SLF2: variants seen among roughly 807,000 people sequenced by gnomAD.
SLF2 encodes the protein SMC5-SMC6 complex localization factor protein 2.
A neutral mutation model predicts 124.3 loss-of-function variants in SLF2; 68 were observed. That is an observed-to-expected ratio of 0.55 (90% CI 0.45 to 0.67). The LOEUF (loss-of-function observed/expected upper bound fraction) is 0.67, where lower values mean the gene tolerates loss of function less well. Among genes scored for constraint, SLF2 ranks in the 30% least tolerant of loss-of-function variants. The pLI is 0.00. For missense variants in SLF2, 1,246 were observed against 1,373.7 expected, an observed-to-expected ratio of 0.91 and a Z score of 1.47; for synonymous variants, 480 against 478.8, an observed-to-expected ratio of 1.00 and a Z score of -0.03.
At chr10:100,960,995 C>CTACTT (rs1411407192) in intron 19 of SLF2, among the ~76,000 whole-genome samples, 37 of 54,480 alleles carry the variant, frequency 6.8e-4, no homozygotes, top group Non-Finnish European at 9.5e-4. Context: ...ATATTCTGTA[C>CTACTT]TTCTTTTTTT....
rs146223221 is a variant in SLF2, at chr10:100,922,802, G to A, written c.974-1173G>A. 8.4e-3 allele frequency among the ~76,000 whole-genome samples: 1,248 copies of A among 148,448 alleles called. 16 individuals are homozygous for A. Among genetic ancestry groups the A allele is most frequent in the African/African-American group, 0.028 (1,139 of 40,192 alleles). ...TTTTTTTTTTTTTTTTTGAAACGGA[G>A]TCTTGCTCTGTTGCCCAGACTGGCG... is the stretch of plus-strand genomic sequence containing the variant. On this transcript the variant is annotated intron_variant, in intron 4 of 19. Transcript: ENST00000238961.
At chr10:100,913,525 C>A in intron 1 of SLF2, 1 of 1,252,254 alleles carries the variant, frequency 8.0e-7, no homozygotes, top group Non-Finnish European at 1.0e-6. Context: ...GATTTTTTTC[C>A]TTTGCAAGAG....
intron 3 of SLF2, 103 bp downstream of exon 3, chr10:100,917,403 C>T (rs981580437): frequency 1.2e-5 from 15 of 1,297,480 alleles, no homozygotes; most frequent in African/African-American, 6.0e-5. Flanking sequence ...TGACGTCTTT[C>T]CTGAAGGAAA....
At chr10:100,954,458 TA>T (rs1358322827) in intron 17 of SLF2, among the ~76,000 whole-genome samples, 3 of 152,216 alleles carry the variant, frequency 2.0e-5, no homozygotes, top group Non-Finnish European at 4.4e-5. Flanking sequence ...TCAAAGTTTA[TA>T]AATATTTCAA....
At chr10:100,945,621 G>A in intron 13 of SLF2, 115 bp downstream of exon 13, 1 of 810,264 alleles carries the variant, frequency 1.2e-6, no homozygotes, top group Non-Finnish European at 1.7e-6. Flanking sequence ...GATTAAAAAT[G>A]AACTGAGGAA....
intron 1 of SLF2, among the ~76,000 whole-genome samples, 178 bp from the exon 2 acceptor site, chr10:100,915,821 G>A (rs1243974483): frequency 2.0e-5 from 3 of 151,962 alleles, no homozygotes; most frequent in Non-Finnish European, 2.9e-5. Context: ...GAAGTGATAC[G>A]TTATATTTTC....
At position 100,924,239 on chromosome 10, in the gene SLF2, G is replaced by T. The variant is rs1342937028; in HGVS notation, c.1238G>T (p.Gly413Val). ...SSAGLAPSNS[G>V]NSGHHSTRNS... is the part of the protein sequence containing the mutation. ...GCAGGCTTGGCACCTTCAAATTCTG[G>T]CAATTCTGGCCACCATTCTACCAGG... The change falls in exon 5 of 20, where the codon GGC becomes GTC. Residue 413 changes from glycine (G) to valine (V), a missense_variant. Around this residue, in one of 3 missense-constraint regions of SLF2, gnomAD observed 698 missense variants for 708.9 expected, o/e 0.98. Transcript: ENST00000238961. 6.2e-7 allele frequency: 1 copy of T among 1,614,086 alleles called. No individual in the cohort carries two copies. Among genetic ancestry groups the T allele is most frequent in the Non-Finnish European group, 8.5e-7 (1 of 1,180,022 alleles).
At chr10:100,957,276 G>A (rs1428616318) in intron 18 of SLF2, among the ~76,000 whole-genome samples, 1 of 147,974 alleles carries the variant, frequency 6.8e-6, no homozygotes, top group African/African-American at 2.5e-5. Context: ...AAATAGATTA[G>A]CTGTTATTCT....
intron 14 of SLF2, among the ~76,000 whole-genome samples, 182 bp downstream of exon 14, chr10:100,947,318 G>A (rs534759779): frequency 4.6e-5 from 7 of 151,282 alleles, no homozygotes; most frequent in South Asian, 4.2e-4. Flanking sequence ...CTTAACTCAG[G>A]TCATTATGTA....
rs1240949756 is a variant in SLF2 at position 100,926,004 on chromosome 10, T to C, written c.2027T>C (p.Met676Thr). The C allele has an allele frequency of 6.2e-7, 1 of 1,613,842 alleles. No homozygotes were observed. The highest frequency in any genetic ancestry group is 8.5e-7 in the Non-Finnish European group (1 of 1,179,876). Residue 676 changes from methionine to threonine, a missense_variant, in exon 6 of 20, where the codon ATG becomes ACG. Met to Thr is a moderately conservative substitution (Grantham distance 81). Around this residue, in one of 3 missense-constraint regions of SLF2, gnomAD observed 535 missense variants for 632.8 expected, o/e 0.85. Transcript: ENST00000238961. ...ACCTTAGAACGTCTAGTGAAGGAAA[T>C]GGAAGACACACAAAGGTTTGTTAGC... is the stretch of plus-strand genomic sequence containing the variant. Reference protein sequence around the residue: ...TNTLERLVKEMEDTQRLDELQ... With the variant: ...TNTLERLVKETEDTQRLDELQ...
At chr10:100,937,363 TTTC>T (rs766504994) in intron 9 of SLF2, 36 bp from the exon 10 acceptor site, 3 of 1,501,340 alleles carry the variant, frequency 2.0e-6, no homozygotes, top group African/African-American at 1.4e-5. Context: ...TTGTGTTTTC[TTTC>T]TTCTTAATAT....
At chr10:100,934,771 C>T (rs1849812099) in intron 9 of SLF2, among the ~76,000 whole-genome samples, 1 of 151,286 alleles carries the variant, frequency 6.6e-6, no homozygotes, top group African/African-American at 2.4e-5. Context: ...CACCACCACG[C>T]CCAGCTAATT....
At chr10:100,956,088 T>C (rs72842161) in intron 17 of SLF2, among the ~76,000 whole-genome samples, 5,335 of 152,004 alleles carry the variant, frequency 0.035, 143 homozygotes, top group Middle Eastern at 0.065. Context: ...TTTTTTCTTT[T>C]TTTTTTTTTA....
intron 1 of SLF2, chr10:100,913,555 T>G (rs1849362298): frequency 8.2e-7 from 1 of 1,226,190 alleles, no homozygotes; most frequent in Admixed American, 4.1e-5. Flanking sequence ...GGACCCTAAC[T>G]GCTTAATGCA....
At chr10:100,913,460 T>G in intron 1 of SLF2, 1 of 1,315,584 alleles carries the variant, frequency 7.6e-7, no homozygotes, top group East Asian at 3.1e-5. Context: ...GCTCTTGGTC[T>G]AGTGACCACC....
chr10:100,929,786 G>C, intron 7 of SLF2, 44 bp from the exon 8 acceptor site: 2 of 1,424,758 alleles, frequency 1.4e-6, no homozygotes, highest in Non-Finnish European at 9.6e-7. Flanking sequence ...AAAACTATAT[G>C]TAGTGTAACA....
Position 100,924,946 on chromosome 10 carries a change from C to T in SLF2, c.1945C>T (p.Leu649Phe). The change falls in exon 5 of 20, where the codon CTT becomes TTT. Residue 649 changes from leucine (L) to phenylalanine (F), a missense_variant. Physicochemically the swap from Leu to Phe is conservative, Grantham distance 22 (BLOSUM62 0). Around this residue, in one of 3 missense-constraint regions of SLF2, gnomAD observed 535 missense variants for 632.8 expected, o/e 0.85. Transcript: ENST00000238961. ...AAAGCCTCCTGCTCTTTCCAAGGGG[C>T]TTAGATCTCAGTCATCAGACTATAC... ...TGKPPALSKG[L>F]RSQSSDYTGH... is the part of the protein sequence containing the mutation. 5 of 1,613,394 alleles carry T rather than the reference C, an allele frequency of 3.1e-6. No individual in the cohort carries two copies. The highest frequency in any genetic ancestry group is 3.4e-6 in the Non-Finnish European group (4 of 1,179,862).
At position 100,924,315 on chromosome 10, in the gene SLF2, AC is replaced by A; in HGVS notation, c.1318del (p.His440ThrfsTer47). The A allele has an allele frequency of 6.2e-7, 1 of 1,614,090 alleles. No homozygotes were observed. Among genetic ancestry groups the A allele is most frequent in the Non-Finnish European group, 8.5e-7 (1 of 1,180,010 alleles). ...GTACCAAGGAGACTAAGATGCAGAA[AC>A]CCCACTTACCTTTATCTCAGGAAAA... is the stretch of plus-strand genomic sequence containing the variant. Reference protein sequence around the residue: ...AGTKETKMQKPHLPLSQEKSA... With the variant: ...AGTKETKMQKXHLPLSQEKSA... On this transcript the variant is annotated frameshift_variant, in exon 5 of 20. Coordinates refer to ENST00000238961, the MANE Select transcript of SLF2 (RefSeq NM_018121.4). LOFTEE classifies it high-confidence loss of function.
At chr10:100,926,537 T>A (rs1849618200) in intron 6 of SLF2, 1 of 283,112 alleles carries the variant, frequency 3.5e-6, no homozygotes, top group South Asian at 8.5e-5. Flanking sequence ...CCCAAGGAGG[T>A]CAAGGCTGTA....
Sources: allele counts gnomAD v4.1 joint callset (sites outside exome capture counted in the v4.1 genomes callset), GRCh38; gene constraint gnomAD v4.1.1; regional missense constraint gnomAD v4.1.1; transcripts MANE v1.5; gene names NCBI Gene and HGNC (gene_info 2026-07-23, HGNC 2026-07-21).